EPAS1: variants seen among roughly 807,000 people sequenced by gnomAD.
The protein encoded by EPAS1 is endothelial PAS domain protein 1, also known as endothelial PAS domain-containing protein 1.
A neutral mutation model predicts 87.9 loss-of-function variants in EPAS1; 23 were observed. The ratio of observed to expected loss-of-function variants is 0.26; its 90% CI spans 0.19 to 0.37. The LOEUF (loss-of-function observed/expected upper bound fraction) is 0.37, where lower values mean the gene tolerates loss of function less well. EPAS1 is among the 10% of genes least tolerant of loss of function. EPAS1 has a pLI of 1.00. For synonymous variants in EPAS1, 508 were observed against 444.3 expected (o/e 1.14, Z -1.80); for missense variants, 1,138 against 1,120.7 (o/e 1.02, Z -0.22).
rs1171826670 is a variant in EPAS1 at position 46,297,567 on chromosome 2, T to G, written c.-345T>G. ...ACTCCCAGCATTCGAGCCACTTTTT[T>G]TTTTCTTTGAAAACTCAGAAAAGTG... On this transcript the variant is annotated 5_prime_UTR_variant, in exon 1 of 16. Coordinates refer to ENST00000263734, the MANE Select transcript of EPAS1 (RefSeq NM_001430.5). The G allele has an allele frequency of 5.9e-6, 2 of 336,740 alleles. No individual in the cohort carries two copies. The highest frequency in any genetic ancestry group is 1.7e-4 in the East Asian group (2 of 12,112). The allele number at this position is 336,740 out of a possible 1,614,324, so 20.9% of individuals were successfully genotyped here.
chr2:46,303,446 G>T (rs975783791), intron 1 of EPAS1, among the ~76,000 whole-genome samples: 1 of 152,160 alleles, frequency 6.6e-6, no homozygotes, highest in Admixed American at 6.5e-5. Flanking sequence ...GAAGGCCCCT[G>T]AAATGGAATG....
At chr2:46,352,423 A>G (rs1174372901) in intron 2 of EPAS1, among the ~76,000 whole-genome samples, 3 of 152,360 alleles carry the variant, frequency 2.0e-5, no homozygotes, top group East Asian at 3.9e-4. Flanking sequence ...TGTGCCTAGC[A>G]TAAAGCAGAC....
At chr2:46,357,838 T>C (rs1441507853) in intron 4 of EPAS1, among the ~76,000 whole-genome samples, 1 of 152,182 alleles carries the variant, frequency 6.6e-6, no homozygotes, top group African/African-American at 2.4e-5. Flanking sequence ...CACGTTGCAA[T>C]GGTTGCAATG....
At chr2:46,308,389 A>T (rs1390258398) in intron 1 of EPAS1, among the ~76,000 whole-genome samples, 1 of 147,554 alleles carries the variant, frequency 6.8e-6, no homozygotes, top group Non-Finnish European at 1.5e-5. Flanking sequence ...CTTTCTAACA[A>T]TATAGCATGT....
chr2:46,380,008 G>T lies in EPAS1; in HGVS notation c.1555-219G>T. 1 of 700,496 alleles carries T rather than the reference G, an allele frequency of 1.4e-6. No individual in the cohort carries two copies. Among genetic ancestry groups the T allele is most frequent in the Admixed American group, 2.1e-5 (1 of 47,344 alleles). 43.4% of individuals were successfully genotyped at this position (700,496 alleles called of 1,614,324 possible). A position where few individuals can be genotyped will look rare whatever the true frequency, so the allele number is the denominator to read the frequency against. On this transcript the variant is annotated intron_variant, in intron 11 of 15. Transcript: ENST00000263734. This position sits in a 1 kb window ranked among gnomAD's most constrained non-coding sequence, Gnocchi z 4.4. ...TTCTCAATGTGCAGGGTGAAGAGGG[G>T]ATAAACATGGGGGAAGGCTGGTACA... is the stretch of plus-strand genomic sequence containing the variant.
chr2:46,375,906 G>A lies in EPAS1; in HGVS notation c.1034+69G>A. 6.2e-7 allele frequency: 1 copy of A among 1,607,930 alleles called. No individual in the cohort carries two copies. The highest frequency in any genetic ancestry group is 1.3e-5 in the African/African-American group (1 of 74,936). The stretch of plus-strand genomic sequence containing the variant: ...GGGTGCCCAAGCTTCCCAGACTCAG[G>A]ATGACAGGCCTAGGAGATGCCAGGC... On this transcript the variant is annotated intron_variant, in intron 8 of 15. Coordinates refer to ENST00000263734, the MANE Select transcript of EPAS1 (RefSeq NM_001430.5). This position sits in a 1 kb window ranked among gnomAD's most constrained non-coding sequence, Gnocchi z 4.1.
At chr2:46,381,448 G>A (rs1238137582) in intron 12 of EPAS1, 148 bp from the exon 13 acceptor site, 2 of 1,296,346 alleles carry the variant, frequency 1.5e-6, no homozygotes, top group Non-Finnish European at 2.2e-6. Context: ...GCCTGCAGGT[G>A]CACAGCCTGC....
At chr2:46,335,432 C>T (rs1194140083) in intron 1 of EPAS1, among the ~76,000 whole-genome samples, 3 of 127,868 alleles carry the variant, frequency 2.3e-5, no homozygotes, top group Non-Finnish European at 4.8e-5. Context: ...GAATGTTTGA[C>T]GACACTGCCA....
At chr2:46,331,655 G>C (rs1683676219) in intron 1 of EPAS1, among the ~76,000 whole-genome samples, 1 of 152,134 alleles carries the variant, frequency 6.6e-6, no homozygotes, top group Non-Finnish European at 1.5e-5. Flanking sequence ...AAATAACTAA[G>C]CGGAGAGACA....
intron 1 of EPAS1, among the ~76,000 whole-genome samples, chr2:46,331,569 A>G (rs1683674805): frequency 6.6e-6 from 1 of 152,258 alleles, no homozygotes; most frequent in African/African-American, 2.4e-5. Flanking sequence ...GAACAGATGC[A>G]TTTGTCAGAA....
chr2:46,323,452 C>G (rs57436743), intron 1 of EPAS1, among the ~76,000 whole-genome samples: 5,538 of 152,230 alleles, frequency 0.036, 331 homozygotes, highest in African/African-American at 0.13. Context: ...CTTGCGCACC[C>G]AACAGTTCTT....
At chr2:46,363,642 T>C (rs529832983) in intron 6 of EPAS1, among the ~76,000 whole-genome samples, 2 of 152,310 alleles carry the variant, frequency 1.3e-5, no homozygotes, top group South Asian at 4.1e-4. Flanking sequence ...TGCTGACTTC[T>C]TAGTTTGGCT....
Position 46,347,102 on chromosome 2 carries a change from G to C in EPAS1, c.217+39G>C. The stretch of plus-strand genomic sequence containing the variant: ...GCTCCCCTAGGCTGGGCAGATGCCA[G>C]CCTTACCAGCATGTTCCTATATGCA... On this transcript the variant is annotated intron_variant, in intron 2 of 15. Coordinates refer to ENST00000263734, the MANE Select transcript of EPAS1 (RefSeq NM_001430.5). This position sits in a 1 kb window ranked among gnomAD's most constrained non-coding sequence, Gnocchi z 4.2. 6.2e-7 allele frequency: 1 copy of C among 1,611,976 alleles called. No homozygotes were observed. Among genetic ancestry groups the C allele is most frequent in the Non-Finnish European group, 8.5e-7 (1 of 1,178,066 alleles).
chr2:46,376,478 A>G (rs764996736), intron 8 of EPAS1, 61 bp from the exon 9 acceptor site: 100 of 1,558,012 alleles, frequency 6.4e-5, no homozygotes, highest in Non-Finnish European at 8.7e-5. Context: ...CCATGCATCT[A>G]GGGGAGCAGA....
chr2:46,301,183 C>A (rs1437784953), intron 1 of EPAS1, among the ~76,000 whole-genome samples: 4 of 152,010 alleles, frequency 2.6e-5, no homozygotes, highest in Admixed American at 1.3e-4. Flanking sequence ...TTATAAGAGA[C>A]CATGGAAATC....
At chr2:46,364,433 G>T (rs1422372448) in intron 6 of EPAS1, among the ~76,000 whole-genome samples, 1 of 152,140 alleles carries the variant, frequency 6.6e-6, no homozygotes, top group Non-Finnish European at 1.5e-5. Flanking sequence ...CGACAGGAAA[G>T]AAGGGAGAGA....
In EPAS1 at chr2:46,360,874, G is replaced by A. The variant is rs199730851; in HGVS notation, c.574-11G>A. The stretch of plus-strand genomic sequence containing the variant: ...TCGGCTCCATGTCTGACCCTTCCAC[G>A]CCTGTCTCAGGTCTTGCACTGCACG... On this transcript the variant is annotated splice_polypyrimidine_tract_variant and intron_variant, in intron 5 of 15. Transcript: ENST00000263734. The surrounding 1 kb of genome is among the most constrained non-coding windows in gnomAD (Gnocchi z 4.5). The A allele has an allele frequency of 5.6e-4, 911 of 1,614,018 alleles. 7 individuals are homozygous for A. The African/African-American group carries it at 0.011, about 19-fold the overall frequency.
intron 1 of EPAS1, among the ~76,000 whole-genome samples, chr2:46,339,188 G>A (rs1004972139): frequency 1.3e-5 from 2 of 152,208 alleles, no homozygotes; most frequent in Non-Finnish European, 2.9e-5. Context: ...AGTAAAAAGA[G>A]CAAAGTATTA....
Position 46,333,541 on chromosome 2 carries a change from A to T in EPAS1, c.27-13332A>T, listed in dbSNP as rs545228560. Among the ~76,000 whole-genome samples the T allele has an allele frequency of 1.1e-4, 17 of 152,234 alleles. No homozygotes were observed. The South Asian group carries it at 3.5e-3, about 32-fold the overall frequency. On this transcript the variant is annotated intron_variant, in intron 1 of 15. Transcript: ENST00000263734. ...AAGGTCAGAAAGGAAGAAGCACTTC[A>T]GGTGGAACAAATCAACTGGGGACAT...
Sources: allele counts gnomAD v4.1 joint callset (sites outside exome capture counted in the v4.1 genomes callset), GRCh38; gene constraint gnomAD v4.1.1; non-coding constraint Gnocchi (gnomAD v3.1); transcripts MANE v1.5; gene names NCBI Gene and HGNC (gene_info 2026-07-23, HGNC 2026-07-21).